Variants in HHLA1 observed in about 807,000 individuals in gnomAD.
The protein encoded by HHLA1 is HERV-H LTR-associating protein 1.
Under a neutral mutation model 69.9 loss-of-function variants are expected in HHLA1, and 72 were observed. That is an observed-to-expected ratio of 1.03 (90% CI 0.85 to 1.25). HHLA1 has a LOEUF of 1.25. Among genes scored for constraint, HHLA1 ranks in the 50% most tolerant of loss-of-function variants. HHLA1 has a pLI of 0.00. For missense variants in HHLA1, 685 were observed against 642.2 expected, an observed-to-expected ratio of 1.07 and a Z score of -0.72; for synonymous variants, 252 against 233.2, an observed-to-expected ratio of 1.08 and a Z score of -0.73.
intron 12 of HHLA1, among the ~76,000 whole-genome samples, chr8:132,077,361 G>T (rs1823662575): frequency 6.6e-6 from 1 of 152,024 alleles, no homozygotes; most frequent in Non-Finnish European, 1.5e-5. Context: ...AGGTGGAGGG[G>T]CGAGGTGAGG....
chr8:132,093,326 C>T (rs1460495422), intron 7 of HHLA1, among the ~76,000 whole-genome samples: 1 of 151,666 alleles, frequency 6.6e-6, no homozygotes, highest in Non-Finnish European at 1.5e-5. Flanking sequence ...CTTGATATCA[C>T]AGTACATTAT....
intron 10 of HHLA1, among the ~76,000 whole-genome samples, 200 bp downstream of exon 10, chr8:132,087,453 G>A (rs1563745647): frequency 6.6e-6 from 1 of 152,220 alleles, no homozygotes; most frequent in African/African-American, 2.4e-5. Flanking sequence ...TTATTGCCAT[G>A]TGTTGGGGGG....
intron 10 of HHLA1, chr8:132,081,244 G>A (rs1325743154): frequency 6.6e-6 from 1 of 152,208 alleles, no homozygotes; most frequent in Non-Finnish European, 1.5e-5. Context: ...ACAGAAGATA[G>A]TAGGGATGAC....
intron 15 of HHLA1, among the ~76,000 whole-genome samples, chr8:132,067,233 G>A (rs1196715413): frequency 6.6e-6 from 1 of 152,182 alleles, no homozygotes; most frequent in Non-Finnish European, 1.5e-5. Context: ...AAAGCAGAAA[G>A]GGAGGGGGAG....
intron 11 of HHLA1, 61 bp downstream of exon 11, chr8:132,079,657 G>T: frequency 6.8e-7 from 1 of 1,472,258 alleles, no homozygotes; most frequent in South Asian, 1.4e-5. Flanking sequence ...ATATATGTGA[G>T]CCTAGAGGTA....
intron 1 of HHLA1, among the ~76,000 whole-genome samples, chr8:132,108,653 A>G (rs1824245652): frequency 6.6e-6 from 1 of 152,116 alleles, no homozygotes; most frequent in African/African-American, 2.4e-5. Context: ...CTTTGGGCAC[A>G]TGGATTATTT....
chr8:132,095,768 GAGA>G lies in HHLA1; in HGVS notation c.296_298del (p.Phe99del), dbSNP rs768320714. On this transcript the variant is annotated inframe_deletion, in exon 6 of 17. Coordinates refer to ENST00000414222, the MANE Select transcript of HHLA1 (RefSeq NM_001145095.3). The stretch of plus-strand genomic sequence containing the variant: ...ACTGTAGGAAGTGACACTCAGCAAG[GAGA>G]AGAACTTCTTGCTATCTGCCAAAAC... 9 of 1,549,996 alleles carry G rather than the reference GAGA, an allele frequency of 5.8e-6. No individual in the cohort carries two copies. Among genetic ancestry groups the G allele is most frequent in the Non-Finnish European group, 7.9e-6 (9 of 1,146,320 alleles).
At chr8:132,071,517 A>G in intron 14 of HHLA1, 24 bp from the exon 15 acceptor site, 1 of 1,549,500 alleles carries the variant, frequency 6.5e-7, no homozygotes, top group East Asian at 2.4e-5. Context: ...TCCCAGACCA[A>G]TTAAATCAGT....
chr8:132,092,971 G>C (rs1244567799), intron 7 of HHLA1, among the ~76,000 whole-genome samples: 2 of 152,188 alleles, frequency 1.3e-5, no homozygotes, highest in African/African-American at 4.8e-5. Flanking sequence ...TACATGCCCA[G>C]ACTATCAGAC....
At chr8:132,072,050 T>C (rs1029204227) in intron 14 of HHLA1, among the ~76,000 whole-genome samples, 2 of 152,056 alleles carry the variant, frequency 1.3e-5, no homozygotes, top group African/African-American at 2.4e-5. Context: ...GAAGGGCAGG[T>C]TGAAAGATGA....
Position 132,100,057 on chromosome 8 carries a change from T to TG in HHLA1, c.199+17dup. 1 of 1,548,066 alleles carries TG rather than the reference T, an allele frequency of 6.5e-7. No individual in the cohort carries two copies. Among genetic ancestry groups the TG allele is most frequent in the Non-Finnish European group, 8.7e-7 (1 of 1,143,664 alleles). On this transcript the variant is annotated intron_variant, in intron 4 of 16. Coordinates refer to ENST00000414222, the MANE Select transcript of HHLA1 (RefSeq NM_001145095.3). Reference sequence around the variant, plus strand: ...TGCAACCCAGACAACCCAAGGGATTTGGGGGAGCGGCACTCACCCGTCGTA... The same window carrying TG: ...TGCAACCCAGACAACCCAAGGGATTTGGGGGGAGCGGCACTCACCCGTCGTA...
chr8:132,095,782 G>T lies in HHLA1; in HGVS notation c.285C>A (p.Ser95Arg), dbSNP rs201357335. ...NGMLSRALKD[S>R]KKFFSLLSVT... The stretch of plus-strand genomic sequence containing the variant: ...CACTCAGCAAGGAGAAGAACTTCTT[G>T]CTATCTGCCAAAACATACCAGATAA... Residue 95 changes from serine to arginine, a missense_variant, in exon 6 of 17, where the codon AGC becomes AGA. Physicochemically the swap from Ser to Arg is moderately radical, Grantham distance 110. Coordinates refer to ENST00000414222, the MANE Select transcript of HHLA1 (RefSeq NM_001145095.3). 3.8e-4 allele frequency: 593 copies of T among 1,549,142 alleles called. 1 individual carries two copies. Among genetic ancestry groups the T allele is most frequent in the Non-Finnish European group, 4.8e-4 (550 of 1,145,602 alleles).
intron 14 of HHLA1, among the ~76,000 whole-genome samples, chr8:132,072,629 T>G (rs1823566224): frequency 6.6e-6 from 1 of 152,122 alleles, no homozygotes; most frequent in East Asian, 1.9e-4. Flanking sequence ...CAGGAAAAAT[T>G]ATCTAAAACC....
intron 11 of HHLA1, among the ~76,000 whole-genome samples, 200 bp from the exon 12 acceptor site, chr8:132,078,171 A>AACACACACACACACACACAC (rs34612835): frequency 6.9e-6 from 1 of 144,394 alleles, no homozygotes; most frequent in Non-Finnish European, 1.5e-5. Context: ...AGCACCAATA[A>AACACACACACACACACACAC]ACACACACAC....
rs148744253 is a variant in HHLA1 at position 132,073,074 on chromosome 8, A to T, written c.1316-1581T>A. On this transcript the variant is annotated intron_variant, in intron 14 of 16. Transcript: ENST00000414222. ...TAATATCTTTGACATGTTGACATGT[A>T]TTCATTCAATATTATTCTGTCATGT... Among the ~76,000 whole-genome samples the T allele has an allele frequency of 3.7e-3, 570 of 152,186 alleles. 1 individual carries two copies. Among genetic ancestry groups the T allele is most frequent in the African/African-American group, 0.013 (542 of 41,518 alleles).
intron 15 of HHLA1, among the ~76,000 whole-genome samples, chr8:132,070,645 CCTCAA>C (rs1424578631): frequency 5.4e-5 from 8 of 149,082 alleles, no homozygotes; most frequent in Non-Finnish European, 1.5e-5. Context: ...ACTCATTACA[CCTCAA>C]CTCAACTCAT....
intron 8 of HHLA1, among the ~76,000 whole-genome samples, chr8:132,089,244 T>G (rs142724031): frequency 6.6e-6 from 1 of 152,212 alleles, no homozygotes; most frequent in South Asian, 2.1e-4. Context: ...ACTCACCAGA[T>G]GTTTTCTTGA....
chr8:132,102,981 G>T (rs946354886), intron 3 of HHLA1, among the ~76,000 whole-genome samples: 9 of 152,084 alleles, frequency 5.9e-5, no homozygotes, highest in African/African-American at 2.2e-4. Flanking sequence ...ATTACAAAAA[G>T]ATATTTTTCT....
chr8:132,095,532 G>A lies in HHLA1; in HGVS notation c.435C>T (p.Thr145=). ...AGCTGTACCCACCTGATAAGTCATTGGTCCGATTGTTTAAACAGTAGCAAT... is the reference window on the plus strand; with the variant it reads ...AGCTGTACCCACCTGATAAGTCATTAGTCCGATTGTTTAAACAGTAGCAAT... The part of the protein sequence containing the change: ...TRYCYCLNNR[T]NDLSDFTALL... The change falls in exon 7 of 17, where the codon ACC becomes ACT. Residue 145 remains threonine, a synonymous_variant. Coordinates refer to ENST00000414222, the MANE Select transcript of HHLA1 (RefSeq NM_001145095.3). 2 of 1,548,260 alleles carry A rather than the reference G, an allele frequency of 1.3e-6. No homozygotes were observed. Among genetic ancestry groups the A allele is most frequent in the Admixed American group, 3.9e-5 (2 of 51,000 alleles).
Sources: allele counts gnomAD v4.1 joint callset (sites outside exome capture counted in the v4.1 genomes callset), GRCh38; gene constraint gnomAD v4.1.1; transcripts MANE v1.5; gene names NCBI Gene and HGNC (gene_info 2026-07-23, HGNC 2026-07-21).